ARHGAP12: variants seen among roughly 807,000 people sequenced by gnomAD.
ARHGAP12 encodes the protein Rho GTPase activating protein 12.
Under a neutral mutation model 108.6 loss-of-function variants are expected in ARHGAP12, and 64 were observed. The ratio of observed to expected loss-of-function variants is 0.59; its 90% CI spans 0.48 to 0.73. ARHGAP12 has a LOEUF of 0.73. ARHGAP12 is among the 30% of genes least tolerant of loss of function. The probability of loss-of-function intolerance (pLI) is 0.00; values close to 1 mark genes in which losing one functional copy is unlikely to be tolerated. For synonymous variants in ARHGAP12, 312 were observed against 337.2 expected (o/e 0.93, Z 0.82); for missense variants, 940 against 1,005.9 (o/e 0.93, Z 0.89).
chr10:31,903,706 T>A (rs1052113398), intron 3 of ARHGAP12, among the ~76,000 whole-genome samples: 20 of 152,148 alleles, frequency 1.3e-4, no homozygotes, highest in African/African-American at 4.8e-4. Flanking sequence ...AACCATGTAT[T>A]TGGCAAATGG....
chr10:31,839,209 T>G, intron 9 of ARHGAP12, 96 bp downstream of exon 9: 2 of 1,305,456 alleles, frequency 1.5e-6, no homozygotes, highest in Non-Finnish European at 2.2e-6. Flanking sequence ...GCTATATTAT[T>G]TCCAATATTC....
At chr10:31,830,804 T>A (rs1367315922) in intron 10 of ARHGAP12, among the ~76,000 whole-genome samples, 1 of 152,236 alleles carries the variant, frequency 6.6e-6, no homozygotes, top group Non-Finnish European at 1.5e-5. Context: ...ACCAACAATT[T>A]ATGATACTGT....
In ARHGAP12 at chr10:31,861,622, G is replaced by T; in HGVS notation, c.721C>A (p.Pro241Thr). The change falls in exon 4 of 20, where the codon CCT becomes ACT. Residue 241 changes from proline (P) to threonine (T), a missense_variant. By Grantham distance (38) the Pro-to-Thr change is conservative. Transcript: ENST00000344936. The stretch of plus-strand genomic sequence containing the variant: ...AGTTCTTGAAGGTTAGCATAGACAG[G>T]AGAATCTGGCCTTCCTTGATTTGGA... ...TPPNQGRPDS[P>T]VYANLQELKI... 1 of 1,611,518 alleles carries T rather than the reference G, an allele frequency of 6.2e-7. No homozygotes were observed. The highest frequency in any genetic ancestry group is 8.5e-7 in the Non-Finnish European group (1 of 1,179,194).
intron 7 of ARHGAP12, 29 bp downstream of exon 7, chr10:31,843,432 G>C (rs1308321774): frequency 6.2e-7 from 1 of 1,602,458 alleles, no homozygotes. Context: ...ATAATGCAAA[G>C]AACTTGCCAA....
At chr10:31,911,197 C>A (rs1390545677) in intron 1 of ARHGAP12, among the ~76,000 whole-genome samples, 2 of 151,828 alleles carry the variant, frequency 1.3e-5, no homozygotes, top group African/African-American at 2.4e-5. Context: ...CTAATTTTTG[C>A]ATTTTTATTA....
chr10:31,809,528 T>C, intron 16 of ARHGAP12: 1 of 502,042 alleles, frequency 2.0e-6, no homozygotes, highest in Non-Finnish European at 3.6e-6. Flanking sequence ...AATTCTACTC[T>C]GCTCATCATA....
intron 10 of ARHGAP12, among the ~76,000 whole-genome samples, chr10:31,828,283 G>C (rs1018082640): frequency 3.3e-5 from 5 of 150,368 alleles, no homozygotes; most frequent in African/African-American, 1.2e-4. Flanking sequence ...ATTTAGTTAA[G>C]TTTTGCTTTT....
chr10:31,852,556 G>A lies in ARHGAP12; in HGVS notation c.1131C>T (p.Tyr377=), dbSNP rs1836727408. The A allele has an allele frequency of 2.5e-6, 4 of 1,613,158 alleles. No individual in the cohort carries two copies. In the South Asian group the frequency reaches 4.4e-5, roughly 18 times the overall value. ...ATTCTGACCGAGATCCGTCTGCACT[G>A]TAGTAATATTGTCTACCTTGATCAT... ...HVDDQGRQYY[Y]SADGSRSEWE... is the part of the protein sequence containing the mutation. Residue 377 remains tyrosine (Y), a synonymous_variant, in exon 6 of 20, where the codon TAC becomes TAT. Transcript: ENST00000344936.
intron 1 of ARHGAP12, among the ~76,000 whole-genome samples, chr10:31,921,228 A>G (rs1409878395): frequency 1.3e-5 from 2 of 152,188 alleles, no homozygotes; most frequent in Non-Finnish European, 2.9e-5. Context: ...TCAAGGCTGC[A>G]GTTTGTGACA....
chr10:31,827,347 GCAGGTATGAAT>G (rs1835654011), intron 10 of ARHGAP12, among the ~76,000 whole-genome samples: 1 of 152,092 alleles, frequency 6.6e-6, no homozygotes, highest in South Asian at 2.1e-4. Context: ...TTTTCAAACA[GCAGGTATGAAT>G]CAGTGTTTAC....
At chr10:31,854,688 T>G (rs1836821351) in intron 4 of ARHGAP12, among the ~76,000 whole-genome samples, 1 of 152,124 alleles carries the variant, frequency 6.6e-6, no homozygotes. Flanking sequence ...TTCTATAATT[T>G]GTGTTATAAT....
intron 6 of ARHGAP12, among the ~76,000 whole-genome samples, chr10:31,844,691 A>G (rs963823857): frequency 1.4e-5 from 2 of 140,120 alleles, no homozygotes; most frequent in Non-Finnish European, 3.0e-5. Flanking sequence ...ATGCCAGCAC[A>G]CTTGGCTTTT....
At chr10:31,923,117 G>GCAAGACCCTAA (rs1839887001) in intron 1 of ARHGAP12, among the ~76,000 whole-genome samples, 1 of 117,986 alleles carries the variant, frequency 8.5e-6, no homozygotes, top group Non-Finnish European at 1.6e-5. Context: ...GGGTGACAGA[G>GCAAGACCCTAA]CAAGACCCTA....
intron 3 of ARHGAP12, among the ~76,000 whole-genome samples, chr10:31,892,927 G>C (rs1051857165): frequency 6.6e-6 from 1 of 152,140 alleles, no homozygotes; most frequent in African/African-American, 2.4e-5. Flanking sequence ...AATCAAACTA[G>C]AACTCAGGAT....
chr10:31,921,518 C>A (rs1294846016), intron 1 of ARHGAP12, among the ~76,000 whole-genome samples: 2 of 152,014 alleles, frequency 1.3e-5, no homozygotes, highest in Non-Finnish European at 2.9e-5. Flanking sequence ...GTAATCCCAG[C>A]ACTTTGGGAG....
At chr10:31,827,134 A>G (rs1329960845) in intron 10 of ARHGAP12, among the ~76,000 whole-genome samples, 2 of 152,184 alleles carry the variant, frequency 1.3e-5, no homozygotes, top group Non-Finnish European at 2.9e-5. Flanking sequence ...TACGCCTCAC[A>G]CAGCATATGT....
intron 3 of ARHGAP12, among the ~76,000 whole-genome samples, chr10:31,878,369 A>G (rs1837813939): frequency 6.6e-6 from 1 of 152,324 alleles, no homozygotes; most frequent in East Asian, 1.9e-4. Flanking sequence ...ATTTCACACT[A>G]AAACTCCTAA....
At chr10:31,828,269 T>C (rs1480208233) in intron 10 of ARHGAP12, among the ~76,000 whole-genome samples, 2 of 152,032 alleles carry the variant, frequency 1.3e-5, no homozygotes, top group African/African-American at 2.4e-5. Flanking sequence ...CTTTTACATA[T>C]AGAATTTAGT....
intron 1 of ARHGAP12, among the ~76,000 whole-genome samples, chr10:31,916,524 T>C (rs1004565570): frequency 2.6e-5 from 4 of 152,214 alleles, no homozygotes; most frequent in Non-Finnish European, 5.9e-5. Context: ...GCAAATGTTG[T>C]CTTTCTCCCC....
Sources: allele counts gnomAD v4.1 joint callset (sites outside exome capture counted in the v4.1 genomes callset), GRCh38; gene constraint gnomAD v4.1.1; transcripts MANE v1.5; gene names NCBI Gene and HGNC (gene_info 2026-07-23, HGNC 2026-07-21).